Variants in KCNMA1 observed in about 807,000 individuals in gnomAD.
The protein encoded by KCNMA1 is Calcium-activated potassium channel subunit alpha-1.
In KCNMA1, 29 loss-of-function variants were observed where a neutral mutation model predicts 140.0. The observed-to-expected ratio is 0.21, with a 90% confidence interval of 0.15 to 0.28. The LOEUF (loss-of-function observed/expected upper bound fraction) is 0.28. KCNMA1 is among the 10% of genes least tolerant of loss of function. The pLI is 1.00. For missense variants in KCNMA1, 880 were observed against 1,602.2 expected, an observed-to-expected ratio of 0.55 and a Z score of 7.70; for synonymous variants, 612 against 611.9, an observed-to-expected ratio of 1.00 and a Z score of 0.00.
intron 11 of KCNMA1, among the ~76,000 whole-genome samples, chr10:77,085,812 A>C (rs1269883564): frequency 6.6e-6 from 1 of 152,232 alleles, no homozygotes; most frequent in African/African-American, 2.4e-5. Flanking sequence ...ACCCCCTGGC[A>C]TGCAAATATT....
intron 23 of KCNMA1, among the ~76,000 whole-genome samples, chr10:76,930,395 C>A (rs1407267004): frequency 1.3e-5 from 2 of 152,140 alleles, no homozygotes; most frequent in South Asian, 2.1e-4. Flanking sequence ...TATCACTAAT[C>A]ATCAGAAAAA....
At chr10:77,585,666 C>T (rs928308535) in intron 1 of KCNMA1, among the ~76,000 whole-genome samples, 1 of 152,116 alleles carries the variant, frequency 6.6e-6, no homozygotes, top group African/African-American at 2.4e-5. Context: ...ATGCCACCTC[C>T]CCTAATTAGG....
intron 10 of KCNMA1, 43 bp from the exon 11 acceptor site, chr10:77,086,636 G>T (rs369930240): frequency 1.6e-5 from 23 of 1,419,820 alleles, no homozygotes; most frequent in Non-Finnish European, 2.2e-5. Context: ...TAATGGACTC[G>T]GGGGTTTCAG....
rs953153210 is a variant in KCNMA1, at chr10:77,011,846, C to T, written c.2092+121G>A. Reference sequence around the variant, plus strand: ...TATTTCTTTAAACTGCTGGGTGAAACATAAACATACTCAAGAAAACTCTCG... The same window carrying T: ...TATTTCTTTAAACTGCTGGGTGAAATATAAACATACTCAAGAAAACTCTCG... On this transcript the variant is annotated intron_variant, in intron 18 of 27. Coordinates refer to ENST00000286628, the MANE Select transcript of KCNMA1 (RefSeq NM_001161352.2). 2.9e-5 allele frequency: 26 copies of T among 884,008 alleles called. No homozygotes were observed. The Admixed American group carries it at 4.3e-4, about 15-fold the overall frequency. The allele number at this position is 884,008 out of a possible 1,614,324, so 54.8% of individuals were successfully genotyped here.
At chr10:77,425,073 GTGGATGGATGAGTGGATGGATGGA>G (rs1476157061) in intron 1 of KCNMA1, among the ~76,000 whole-genome samples, 52 of 150,868 alleles carry the variant, frequency 3.4e-4, no homozygotes, top group African/African-American at 1.3e-3. Context: ...GGATGGATGG[GTGGATGGATGAGTGGATGGATGGA>G]TGGATGGATG....
chr10:77,308,295 G>T (rs919787032), intron 2 of KCNMA1, among the ~76,000 whole-genome samples: 5 of 152,262 alleles, frequency 3.3e-5, no homozygotes, highest in African/African-American at 1.2e-4. Flanking sequence ...CTGAAAATAG[G>T]TCCCCTAAGC....
chr10:76,907,605 A>G (rs529027858), intron 25 of KCNMA1, among the ~76,000 whole-genome samples: 34 of 152,078 alleles, frequency 2.2e-4, no homozygotes, highest in Middle Eastern at 3.4e-3. Flanking sequence ...GTGGCGCTAT[A>G]TCATCTCACA....
chr10:76,952,263 G>A, intron 21 of KCNMA1: 4 of 1,311,748 alleles, frequency 3.0e-6, no homozygotes, highest in Non-Finnish European at 4.1e-6. Context: ...ACTCACGCCT[G>A]TAATCCCAGC....
At chr10:77,296,297 G>C (rs897831038) in intron 2 of KCNMA1, among the ~76,000 whole-genome samples, 1 of 152,134 alleles carries the variant, frequency 6.6e-6, no homozygotes, top group Non-Finnish European at 1.5e-5. Flanking sequence ...AAAAAGTGTA[G>C]GCAGTCTCTA....
At chr10:77,292,395 T>C (rs999757445) in intron 2 of KCNMA1, among the ~76,000 whole-genome samples, 3 of 152,164 alleles carry the variant, frequency 2.0e-5, no homozygotes, top group Non-Finnish European at 4.4e-5. Context: ...CACCAGTCAT[T>C]TCAGTGTTTT....
chr10:76,995,682 C>T, intron 19 of KCNMA1: 1 of 470,766 alleles, frequency 2.1e-6, no homozygotes, highest in South Asian at 1.5e-5. Flanking sequence ...TAGAAGCTGT[C>T]AGGATGAGTA....
intron 1 of KCNMA1, among the ~76,000 whole-genome samples, chr10:77,579,611 G>T (rs886817182): frequency 6.6e-6 from 1 of 152,072 alleles, no homozygotes; most frequent in Admixed American, 6.6e-5. Context: ...AGAAGTGGCC[G>T]GTAGACTCCT....
intron 1 of KCNMA1, among the ~76,000 whole-genome samples, chr10:77,442,682 G>A (rs146343714): frequency 5.2e-4 from 79 of 152,180 alleles, no homozygotes; most frequent in Non-Finnish European, 7.9e-4. Context: ...CTTGCTAAGG[G>A]GTGTTACTGG....
chr10:77,286,473 A>G (rs1022968313), intron 2 of KCNMA1, among the ~76,000 whole-genome samples: 1 of 152,190 alleles, frequency 6.6e-6, no homozygotes, highest in East Asian at 1.9e-4. Context: ...AAATTACGCC[A>G]TATGCCCCTG....
At chr10:77,292,720 A>C in intron 2 of KCNMA1, among the ~76,000 whole-genome samples, 1 of 152,124 alleles carries the variant, frequency 6.6e-6, no homozygotes, top group East Asian at 1.9e-4. Flanking sequence ...TGCTAGGGTA[A>C]TAGTTCCCTA....
At chr10:77,331,900 C>T (rs1052100172) in intron 2 of KCNMA1, among the ~76,000 whole-genome samples, 1 of 152,124 alleles carries the variant, frequency 6.6e-6, no homozygotes, top group Admixed American at 6.5e-5. Flanking sequence ...TAAAGAAATA[C>T]ATTGGGGATT....
intron 5 of KCNMA1, among the ~76,000 whole-genome samples, chr10:77,130,229 T>C (rs761197208): frequency 7.9e-5 from 12 of 152,332 alleles, no homozygotes; most frequent in South Asian, 4.1e-4. Context: ...ACTCTAAGTA[T>C]TCACACAACC....
At chr10:77,231,816 T>C (rs1224424210) in intron 3 of KCNMA1, among the ~76,000 whole-genome samples, 1 of 152,212 alleles carries the variant, frequency 6.6e-6, no homozygotes, top group East Asian at 1.9e-4. Flanking sequence ...GCTAATGGCT[T>C]TATTGAGTTC....
intron 2 of KCNMA1, among the ~76,000 whole-genome samples, chr10:77,304,160 A>C (rs1259841493): frequency 6.6e-6 from 1 of 152,196 alleles, no homozygotes; most frequent in East Asian, 1.9e-4. Context: ...CTAAGGGGAA[A>C]ATGGTAGAAG....
Sources: allele counts gnomAD v4.1 joint callset (sites outside exome capture counted in the v4.1 genomes callset), GRCh38; gene constraint gnomAD v4.1.1; transcripts MANE v1.5; gene names NCBI Gene and HGNC (gene_info 2026-07-23, HGNC 2026-07-21).